The following FIP1L1 variants were observed in gnomAD, a reference collection of about 807,000 sequenced individuals.
The protein encoded by FIP1L1 is pre-mRNA 3'-end-processing factor FIP1.
In FIP1L1, 21 loss-of-function variants were observed where a neutral mutation model predicts 84.6. The ratio of observed to expected loss-of-function variants is 0.25; its 90% CI spans 0.18 to 0.36. FIP1L1 has a LOEUF of 0.36. Among genes scored for constraint, FIP1L1 ranks in the 10% least tolerant of loss-of-function variants. FIP1L1 has a pLI of 1.00. For synonymous variants in FIP1L1, 263 were observed against 242.3 expected (o/e 1.09, Z -0.80); for missense variants, 526 against 751.1 (o/e 0.70, Z 3.50).
intron 16 of FIP1L1, among the ~76,000 whole-genome samples, chr4:53,454,055 T>C (rs558725858): frequency 6.6e-6 from 1 of 152,338 alleles, no homozygotes; most frequent in Non-Finnish European, 1.5e-5. Flanking sequence ...TGCAACACAC[T>C]TATGTGTTAA....
At chr4:53,412,300 A>C (rs1441703420) in intron 10 of FIP1L1, among the ~76,000 whole-genome samples, 2 of 152,152 alleles carry the variant, frequency 1.3e-5, no homozygotes, top group East Asian at 3.8e-4. Flanking sequence ...GAGTTATCAA[A>C]GTCAGAAAAT....
intron 15 of FIP1L1, among the ~76,000 whole-genome samples, chr4:53,451,297 G>A (rs553487077): frequency 6.7e-6 from 1 of 150,296 alleles, no homozygotes; most frequent in Non-Finnish European, 1.5e-5. Context: ...TCGATCGGGG[G>A]TTGTTTTTTT....
At chr4:53,381,762 T>TTTTTTTTTTTTTTTTTTC (rs1738153885) in intron 3 of FIP1L1, among the ~76,000 whole-genome samples, 1 of 71,920 alleles carries the variant, frequency 1.4e-5, no homozygotes, top group Non-Finnish European at 3.7e-5. Context: ...TCTTTTTTTT[T>TTTTTTTTTTTTTTTTTTC]TTTTTTTTTT....
At chr4:53,429,381 TG>T (rs1265183639) in intron 13 of FIP1L1, among the ~76,000 whole-genome samples, 1 of 152,194 alleles carries the variant, frequency 6.6e-6, no homozygotes, top group Non-Finnish European at 1.5e-5. Context: ...ACTCATTAGT[TG>T]GGATTGACTT....
intron 1 of FIP1L1, 62 bp downstream of exon 1, chr4:53,377,985 C>T (rs749549241): frequency 3.6e-6 from 5 of 1,388,446 alleles, no homozygotes; most frequent in Admixed American, 2.5e-5. Context: ...GGCCCTCAAA[C>T]GGCCGGCGTC....
Position 53,442,719 on chromosome 4 carries a change from T to C in FIP1L1, c.1229+12T>C. The C allele has an allele frequency of 6.5e-7, 1 of 1,540,406 alleles. No homozygotes were observed. The highest frequency in any genetic ancestry group is 9.0e-7 in the Non-Finnish European group (1 of 1,116,738). On this transcript the variant is annotated intron_variant, in intron 14 of 17. Coordinates refer to ENST00000337488, the MANE Select transcript of FIP1L1 (RefSeq NM_030917.4). The stretch of plus-strand genomic sequence containing the variant: ...CCAACAATAGAAAGGTAAATCAGTA[T>C]GGATACTGATTTTTGATCATTGATA...
intron 4 of FIP1L1, among the ~76,000 whole-genome samples, chr4:53,382,666 G>T (rs1467384682): frequency 1.3e-5 from 2 of 152,172 alleles, no homozygotes; most frequent in Non-Finnish European, 2.9e-5. Context: ...TCACTGTTAC[G>T]ATTTTTTAAC....
Position 53,431,295 on chromosome 4 carries a change from G to A in FIP1L1, c.1174+3112G>A, listed in dbSNP as rs555089289. Among the ~76,000 whole-genome samples the A allele has an allele frequency of 2.3e-4, 35 of 152,214 alleles. No homozygotes were observed. The South Asian group carries it at 6.0e-3, about 26-fold the overall frequency. On this transcript the variant is annotated intron_variant, in intron 13 of 17. Coordinates refer to ENST00000337488, the MANE Select transcript of FIP1L1 (RefSeq NM_030917.4). ...GAACCACATGATTACACTATGTTCC[G>A]TAGTTTGTTGTAATTTAAATCACCT...
intron 13 of FIP1L1, among the ~76,000 whole-genome samples, chr4:53,439,106 A>C (rs1770785495): frequency 6.6e-6 from 1 of 152,154 alleles, no homozygotes; most frequent in East Asian, 1.9e-4. Context: ...AAAGAAAATT[A>C]GGTTGTAGTA....
chr4:53,424,003 A>G (rs1035740950), intron 11 of FIP1L1, among the ~76,000 whole-genome samples: 4 of 152,176 alleles, frequency 2.6e-5, no homozygotes, highest in Admixed American at 2.6e-4. Flanking sequence ...ATCTAGATCT[A>G]ATTTTTACCA....
intron 15 of FIP1L1, among the ~76,000 whole-genome samples, chr4:53,451,276 G>T (rs1715745148): frequency 6.6e-6 from 1 of 150,750 alleles, no homozygotes; most frequent in South Asian, 2.1e-4. Context: ...CAGCCTGAAA[G>T]CTACTCATTT....
At chr4:53,416,684 G>A (rs144946109) in intron 11 of FIP1L1, among the ~76,000 whole-genome samples, 6 of 152,260 alleles carry the variant, frequency 3.9e-5, no homozygotes, top group African/African-American at 1.4e-4. Flanking sequence ...CTTAAAATAG[G>A]CCAGGTGTGG....
intron 11 of FIP1L1, among the ~76,000 whole-genome samples, chr4:53,419,111 A>G (rs1308195102): frequency 6.6e-6 from 1 of 152,224 alleles, no homozygotes; most frequent in Non-Finnish European, 1.5e-5. Context: ...AATTAAGCAT[A>G]AATATGGAAG....
At chr4:53,424,348 G>A (rs1763523507) in intron 11 of FIP1L1, among the ~76,000 whole-genome samples, 1 of 152,022 alleles carries the variant, frequency 6.6e-6, no homozygotes, top group African/African-American at 2.4e-5. Context: ...GGAAGAAATG[G>A]AAGCAATATT....
chr4:53,397,252 A>G (rs1747875331), intron 9 of FIP1L1, among the ~76,000 whole-genome samples: 5 of 152,222 alleles, frequency 3.3e-5, no homozygotes, highest in Admixed American at 3.3e-4. Context: ...CTTATAAGCA[A>G]TCACACTATT....
chr4:53,442,045 A>C (rs1450942468), intron 13 of FIP1L1, among the ~76,000 whole-genome samples: 1 of 151,930 alleles, frequency 6.6e-6, no homozygotes, highest in Non-Finnish European at 1.5e-5. Flanking sequence ...CAGAATGCAG[A>C]CCCCACGATA....
chr4:53,407,613 T>TA (rs199767733), intron 10 of FIP1L1, among the ~76,000 whole-genome samples: 19,689 of 152,042 alleles, frequency 0.13, 2,548 homozygotes, highest in African/African-American at 0.32. Flanking sequence ...AGTGGGGTGT[T>TA]AAGTCTCCCA....
At chr4:53,427,329 C>G (rs1194727497) in intron 12 of FIP1L1, among the ~76,000 whole-genome samples, 2 of 152,086 alleles carry the variant, frequency 1.3e-5, no homozygotes, top group Non-Finnish European at 2.9e-5. Context: ...ATCAAAAATC[C>G]AGATTTTGAG....
intron 10 of FIP1L1, among the ~76,000 whole-genome samples, chr4:53,410,029 T>G (rs1426089364): frequency 1.3e-5 from 2 of 152,228 alleles, no homozygotes; most frequent in African/African-American, 4.8e-5. Context: ...CACTCCCTAG[T>G]GAGATGAACC....
Sources: allele counts gnomAD v4.1 joint callset (sites outside exome capture counted in the v4.1 genomes callset), GRCh38; gene constraint gnomAD v4.1.1; transcripts MANE v1.5; gene names NCBI Gene and HGNC (gene_info 2026-07-23, HGNC 2026-07-21).